The following TRPM7 variants were observed in gnomAD, a reference collection of about 807,000 sequenced individuals.
TRPM7 encodes the protein transient receptor potential cation channel subfamily M member 7.
TRPM7 carries 134 observed loss-of-function variants against 229.7 expected under a neutral mutation model. The ratio of observed to expected loss-of-function variants is 0.58; its 90% CI spans 0.51 to 0.67. The LOEUF is 0.67. TRPM7 is among the 30% of genes least tolerant of loss of function. TRPM7 has a pLI of 0.00. For synonymous variants in TRPM7, 699 were observed against 715.2 expected, an observed-to-expected ratio of 0.98 and a Z score of 0.36; for missense variants, 1,901 against 2,210.0, an observed-to-expected ratio of 0.86 and a Z score of 2.80.
chr15:50,670,810 G>GAAAAAA (rs59965204), intron 1 of TRPM7, among the ~76,000 whole-genome samples: 1 of 113,512 alleles, frequency 8.8e-6, no homozygotes, highest in Non-Finnish European at 1.9e-5. Flanking sequence ...AAAAGAAAAA[G>GAAAAAA]AAAAAAAAAA....
At chr15:50,677,618 A>C (rs1271895773) in intron 1 of TRPM7, among the ~76,000 whole-genome samples, 3 of 151,792 alleles carry the variant, frequency 2.0e-5, no homozygotes, top group Non-Finnish European at 4.4e-5. Context: ...ACGCGCCTGT[A>C]ATCCCGGCTA....
intron 1 of TRPM7, among the ~76,000 whole-genome samples, chr15:50,668,056 T>G (rs865902548): frequency 1.3e-5 from 2 of 152,236 alleles, no homozygotes; most frequent in South Asian, 4.1e-4. Flanking sequence ...AATCGTGTCT[T>G]TGACTATGGC....
chr15:50,669,618 T>G (rs1456881145), intron 1 of TRPM7, among the ~76,000 whole-genome samples: 1 of 152,170 alleles, frequency 6.6e-6, no homozygotes, highest in African/African-American at 2.4e-5. Flanking sequence ...TAACTTGTCT[T>G]TAGTAAAAAT....
chr15:50,589,924 C>T (rs1240870906), intron 26 of TRPM7, among the ~76,000 whole-genome samples: 1 of 151,942 alleles, frequency 6.6e-6, no homozygotes, highest in African/African-American at 2.4e-5. Flanking sequence ...GTGGTGTGAC[C>T]TTGGCTCACT....
At position 50,608,489 on chromosome 15, in the gene TRPM7, A is replaced by C. The variant is rs570111765; in HGVS notation, c.2580+1092T>G. 2.6e-5 allele frequency among the ~76,000 whole-genome samples: 4 copies of C among 152,318 alleles called. No homozygotes were observed. The East Asian group carries it at 7.7e-4, about 29-fold the overall frequency. On this transcript the variant is annotated intron_variant, in intron 19 of 38. Transcript: ENST00000646667. ...AAAGAAAAGAGAAATTCCTGTAGTCACCCATGTTGGCTATTTTAACGCAGC... is the reference window on the plus strand; with the variant it reads ...AAAGAAAAGAGAAATTCCTGTAGTCCCCCATGTTGGCTATTTTAACGCAGC...
intron 34 of TRPM7, 25 bp from the exon 35 acceptor site, chr15:50,574,744 C>A (rs1449663042): frequency 2.6e-5 from 42 of 1,599,844 alleles, no homozygotes; most frequent in Non-Finnish European, 3.6e-5. Flanking sequence ...GTGGGGAGAA[C>A]CCTTGTTTAA....
intron 1 of TRPM7, 71 bp downstream of exon 1, chr15:50,686,460 C>T: frequency 6.2e-7 from 1 of 1,613,572 alleles, no homozygotes; most frequent in South Asian, 1.1e-5. Flanking sequence ...ACACACTTGC[C>T]TGCCAAGTCT....
At chr15:50,605,547 A>G (rs774413360) in intron 20 of TRPM7, among the ~76,000 whole-genome samples, 1 of 152,216 alleles carries the variant, frequency 6.6e-6, no homozygotes, top group Non-Finnish European at 1.5e-5. Flanking sequence ...TTACCTAACT[A>G]ATTTAAAACA....
At chr15:50,599,764 C>A (rs957854189) in intron 21 of TRPM7, 1 of 152,300 alleles carries the variant, frequency 6.6e-6, no homozygotes, top group African/African-American at 2.4e-5. Flanking sequence ...ACACTTCCCA[C>A]CCACCCTGAA....
At position 50,557,190 on chromosome 15, in the gene TRPM7, T is replaced by C. The variant is rs1390685630; in HGVS notation, c.*4488A>G. 1 of 152,268 alleles carries C rather than the reference T, an allele frequency of 6.6e-6. No individual in the cohort carries two copies. The highest frequency in any genetic ancestry group is 6.5e-5 in the Admixed American group (1 of 15,288). The allele number at this position is 152,268 out of a possible 1,614,324, so 9.4% of individuals were successfully genotyped here. A position where few individuals can be genotyped will look rare whatever the true frequency, so the allele number is the denominator to read the frequency against. Reference sequence around the variant, plus strand: ...TGGTAAATAGCCATTTATTGAGTATTCTTGCTTTGATTGTCTACGTAAGCA... The same window carrying C: ...TGGTAAATAGCCATTTATTGAGTATCCTTGCTTTGATTGTCTACGTAAGCA... On this transcript the variant is annotated 3_prime_UTR_variant, in exon 39 of 39. Coordinates refer to ENST00000646667, the MANE Select transcript of TRPM7 (RefSeq NM_017672.6).
intron 1 of TRPM7, among the ~76,000 whole-genome samples, chr15:50,666,356 T>C (rs555299916): frequency 1.3e-5 from 2 of 151,684 alleles, no homozygotes; most frequent in East Asian, 3.9e-4. Flanking sequence ...CAGAGGATCA[T>C]CTGAACCCAG....
At position 50,686,628 on chromosome 15, in the gene TRPM7, C is replaced by T; in HGVS notation, c.-95G>A. The T allele has an allele frequency of 6.5e-7, 1 of 1,532,252 alleles. No individual in the cohort carries two copies. The highest frequency in any genetic ancestry group is 8.8e-7 in the Non-Finnish European group (1 of 1,137,352). The allele number at this position is 1,532,252 out of a possible 1,614,324, so 94.9% of individuals were successfully genotyped here. A position where few individuals can be genotyped will look rare whatever the true frequency, so the allele number is the denominator to read the frequency against. On this transcript the variant is annotated 5_prime_UTR_variant, in exon 1 of 39. Transcript: ENST00000646667. The stretch of plus-strand genomic sequence containing the variant: ...TATCGGGAAGCGTCTCCGGAGGCGG[C>T]AGCAGAGGCCGCCGGACAAGGAACG...
chr15:50,615,477 A>G (rs1399828020), intron 13 of TRPM7, among the ~76,000 whole-genome samples: 1 of 152,176 alleles, frequency 6.6e-6, no homozygotes, highest in African/African-American at 2.4e-5. Context: ...GTTTGGAAAG[A>G]TTGCCTGTTT....
rs1480208350 is a variant in TRPM7, at chr15:50,609,873, T to A, written c.2369A>T (p.Asp790Val). The stretch of plus-strand genomic sequence containing the variant: ...GTCATCCATTGTCATCTGATGAGCA[T>A]CTTGAGATTGTGGGATATGGGACAT... Reference protein sequence around the residue: ...AEMSHIPQSQDAHQMTMDDSE... With the variant: ...AEMSHIPQSQVAHQMTMDDSE... Residue 790 changes from aspartate (D) to valine (V), a missense_variant, in exon 18 of 39, where the codon GAT becomes GTT. Asp to Val is a radical substitution (Grantham distance 152, BLOSUM62 -3). This residue lies in a region of TRPM7 where 207 missense variants were observed against 241.5 expected (regional missense o/e 0.86). Coordinates refer to ENST00000646667, the MANE Select transcript of TRPM7 (RefSeq NM_017672.6). The A allele has an allele frequency of 6.2e-7, 1 of 1,613,240 alleles. No individual in the cohort carries two copies. The highest frequency in any genetic ancestry group is 8.5e-7 in the Non-Finnish European group (1 of 1,179,580).
At chr15:50,679,333 C>CAA (rs778078727) in intron 1 of TRPM7, among the ~76,000 whole-genome samples, 28 of 137,344 alleles carry the variant, frequency 2.0e-4, no homozygotes, top group Admixed American at 3.7e-4. Context: ...AAACACTATC[C>CAA]AAAAAAAACA....
At position 50,557,231 on chromosome 15, in the gene TRPM7, T is replaced by C. The variant is rs1371112715; in HGVS notation, c.*4447A>G. 1 of 152,230 alleles carries C rather than the reference T, an allele frequency of 6.6e-6. No individual in the cohort carries two copies. Among genetic ancestry groups the C allele is most frequent in the East Asian group, 1.9e-4 (1 of 5,200 alleles). The allele number at this position is 152,230 out of a possible 1,614,324, so 9.4% of individuals were successfully genotyped here. On this transcript the variant is annotated 3_prime_UTR_variant, in exon 39 of 39. Transcript: ENST00000646667. ...TACGTAAGCATGTAAGACTACAACA[T>C]TACGACCCATCTCTTCAAGAGGAAG...
At chr15:50,669,168 G>A (rs1353199377) in intron 1 of TRPM7, among the ~76,000 whole-genome samples, 4 of 152,124 alleles carry the variant, frequency 2.6e-5, no homozygotes, top group South Asian at 2.1e-4. Context: ...ATGGCTGAGC[G>A]TGGTGGCTCA....
rs751764563 is a variant in TRPM7, at chr15:50,631,490, C to T, written c.1132-1G>A. ...CTGACCCAATATGGAAAACAGTGAT[C>T]TATTTAAAGATAAATTTATAACATT... On this transcript the variant is annotated splice_acceptor_variant, in intron 9 of 38. Transcript: ENST00000646667. LOFTEE classifies it high-confidence loss of function. 3.2e-6 allele frequency: 5 copies of T among 1,584,434 alleles called. No homozygotes were observed. The highest frequency in any genetic ancestry group is 1.1e-5 in the South Asian group (1 of 90,062).
rs2061022135 is a variant in TRPM7 at position 50,639,495 on chromosome 15, G to C, written c.589C>G (p.Arg197Gly). The C allele has an allele frequency of 6.2e-7, 1 of 1,611,332 alleles. No individual in the cohort carries two copies. Among genetic ancestry groups the C allele is most frequent in the Admixed American group, 1.7e-5 (1 of 59,942 alleles). ...GCTATTCCGATAGTGCAAATCTTTC[G>C]AGATGATCTGGAAGCATGTTCTTTG... ...ALKEHASRSS[R>G]KICTIGIAPW... Residue 197 changes from arginine to glycine, a missense_variant, in exon 6 of 39, where the codon CGA becomes GGA. By Grantham distance (125) the Arg-to-Gly change is moderately radical (BLOSUM62 -2). Around this residue, in one of 8 missense-constraint regions of TRPM7, gnomAD observed 794 missense variants for 881.9 expected, o/e 0.90. Transcript: ENST00000646667.
Sources: allele counts gnomAD v4.1 joint callset (sites outside exome capture counted in the v4.1 genomes callset), GRCh38; gene constraint gnomAD v4.1.1; regional missense constraint gnomAD v4.1.1; transcripts MANE v1.5; gene names NCBI Gene and HGNC (gene_info 2026-07-23, HGNC 2026-07-21).